The following RIC1 variants were observed in gnomAD, a reference collection of about 807,000 sequenced individuals.
The protein encoded by RIC1 is guanine nucleotide exchange factor subunit RIC1.
In RIC1, 88 loss-of-function variants were observed where a neutral mutation model predicts 169.0. The ratio of observed to expected loss-of-function variants is 0.52; its 90% CI spans 0.44 to 0.62. The LOEUF (loss-of-function observed/expected upper bound fraction) is 0.62, where lower values mean the gene tolerates loss of function less well. RIC1 is among the 20% of genes least tolerant of loss of function. The pLI is 0.00. For synonymous variants in RIC1, 790 were observed against 601.5 expected, an observed-to-expected ratio of 1.31 and a Z score of -4.59; for missense variants, 1,877 against 1,725.5, an observed-to-expected ratio of 1.09 and a Z score of -1.56.
At chr9:5,666,820 A>G (rs1819799038) in intron 2 of RIC1, among the ~76,000 whole-genome samples, 2 of 148,946 alleles carry the variant, frequency 1.3e-5, no homozygotes, top group Non-Finnish European at 3.0e-5. Context: ...CCAAAACTCA[A>G]GTCAGTTTTG....
intron 3 of RIC1, among the ~76,000 whole-genome samples, chr9:5,691,784 C>T (rs1821603741): frequency 1.3e-5 from 2 of 151,930 alleles, no homozygotes; most frequent in Admixed American, 1.3e-4. Context: ...TCAGAAACAA[C>T]AATTTAACTC....
chr9:5,650,308 T>C (rs1366366056), intron 1 of RIC1, among the ~76,000 whole-genome samples: 1 of 151,974 alleles, frequency 6.6e-6, no homozygotes, highest in Non-Finnish European at 1.5e-5. Context: ...GGCTTCCCTG[T>C]AGGAGTGCGT....
chr9:5,630,132 T>G (rs1197522282), intron 1 of RIC1, among the ~76,000 whole-genome samples: 4 of 152,192 alleles, frequency 2.6e-5, no homozygotes, highest in Admixed American at 2.6e-4. Context: ...TTATAACACC[T>G]GGAAATAATA....
chr9:5,741,487 T>A (rs1019735782), intron 8 of RIC1, among the ~76,000 whole-genome samples: 7 of 152,276 alleles, frequency 4.6e-5, no homozygotes, highest in African/African-American at 1.4e-4. Context: ...TAACTTTAAA[T>A]TTTTTAAAAT....
chr9:5,636,607 C>G (rs574868206), intron 1 of RIC1, among the ~76,000 whole-genome samples: 1 of 152,282 alleles, frequency 6.6e-6, no homozygotes, highest in Admixed American at 6.5e-5. Flanking sequence ...GTGTGAGCCA[C>G]CACTCCCAGC....
intron 2 of RIC1, among the ~76,000 whole-genome samples, chr9:5,688,255 C>A (rs975245651): frequency 6.6e-6 from 1 of 152,204 alleles, no homozygotes; most frequent in African/African-American, 2.4e-5. Context: ...TTCTTCTCAA[C>A]TCTGGAAGTC....
At chr9:5,716,734 G>A (rs976132234) in intron 4 of RIC1, among the ~76,000 whole-genome samples, 1 of 152,232 alleles carries the variant, frequency 6.6e-6, no homozygotes, top group Non-Finnish European at 1.5e-5. Flanking sequence ...ATTTTTCTGA[G>A]GGAGGGGAGT....
At chr9:5,708,669 C>T (rs1283603344) in intron 3 of RIC1, among the ~76,000 whole-genome samples, 1 of 152,090 alleles carries the variant, frequency 6.6e-6, no homozygotes, top group Non-Finnish European at 1.5e-5. Flanking sequence ...TCTCTTGCTG[C>T]TTTCAAGATT....
intron 6 of RIC1, 85 bp downstream of exon 6, chr9:5,720,835 T>C: frequency 1.7e-6 from 2 of 1,209,002 alleles, no homozygotes; most frequent in Non-Finnish European, 2.3e-6. Flanking sequence ...ATTTTCATCA[T>C]TCATGTAAGA....
chr9:5,656,716 T>G (rs746168317), intron 2 of RIC1, 26 bp downstream of exon 2: 1 of 1,281,744 alleles, frequency 7.8e-7, no homozygotes, highest in Non-Finnish European at 1.1e-6. Context: ...CGCTAAATAG[T>G]GTTTTCTTAT....
chr9:5,672,507 C>T (rs540669912), intron 2 of RIC1, among the ~76,000 whole-genome samples: 1 of 151,840 alleles, frequency 6.6e-6, no homozygotes, highest in Non-Finnish European at 1.5e-5. Context: ...TCCAGAAGAT[C>T]AAATAGAAAC....
At chr9:5,773,905 A>G in intron 25 of RIC1, 53 bp from the exon 26 acceptor site, 1 of 1,479,006 alleles carries the variant, frequency 6.8e-7, no homozygotes, top group African/African-American at 1.4e-5. Flanking sequence ...GTAATGTTCT[A>G]CCAAACCTTT....
rs1304952153 is a variant in RIC1 at position 5,773,825 on chromosome 9, C to G, written c.3984-133C>G. 7.5e-6 allele frequency: 6 copies of G among 802,372 alleles called. 1 individual carries two copies. The South Asian group carries it at 1.3e-4, about 18-fold the overall frequency. 49.7% of individuals were successfully genotyped at this position (802,372 alleles called of 1,614,324 possible). Reference sequence around the variant, plus strand: ...CCAAGAAGCCTTTCCTCCCTACCTTCTTTGCCTCCTCTCTCCCCTCCTAAT... The same window carrying G: ...CCAAGAAGCCTTTCCTCCCTACCTTGTTTGCCTCCTCTCTCCCCTCCTAAT... On this transcript the variant is annotated intron_variant, in intron 25 of 25. Coordinates refer to ENST00000414202, the MANE Select transcript of RIC1 (RefSeq NM_020829.4).
chr9:5,718,020 A>G (rs532705346), intron 4 of RIC1, among the ~76,000 whole-genome samples: 50 of 151,348 alleles, frequency 3.3e-4, no homozygotes, highest in Middle Eastern at 3.2e-3. Flanking sequence ...TGCGCCTGTA[A>G]TCCCAGCTAC....
chr9:5,637,724 A>G (rs577377103), intron 1 of RIC1, among the ~76,000 whole-genome samples: 17 of 152,176 alleles, frequency 1.1e-4, no homozygotes, highest in Non-Finnish European at 2.4e-4. Flanking sequence ...TTGTCTCTCT[A>G]TGCCTTGCTT....
chr9:5,776,715 G>A (rs965969505), downstream of RIC1, among the ~76,000 whole-genome samples: 2 of 151,522 alleles, frequency 1.3e-5, no homozygotes, highest in African/African-American at 4.9e-5. Context: ...TCAAGAGTTC[G>A]CAACATCCTA....
At chr9:5,641,414 T>A (rs1818240360) in intron 1 of RIC1, among the ~76,000 whole-genome samples, 1 of 152,006 alleles carries the variant, frequency 6.6e-6, no homozygotes, top group Non-Finnish European at 1.5e-5. Flanking sequence ...CTTCTTTAGG[T>A]TAAATCTGCT....
chr9:5,772,070 G>A (rs1827260508), intron 23 of RIC1, among the ~76,000 whole-genome samples: 1 of 152,098 alleles, frequency 6.6e-6, no homozygotes, highest in South Asian at 2.1e-4. Flanking sequence ...ATTTTGTATA[G>A]GTTAAGATTT....
intron 2 of RIC1, among the ~76,000 whole-genome samples, chr9:5,679,447 C>T (rs1390816601): frequency 2.6e-5 from 4 of 152,156 alleles, no homozygotes; most frequent in African/African-American, 7.2e-5. Context: ...GCTATTTTCA[C>T]GATATTGATT....
Sources: gnomAD v4.1 joint callset for allele counts (sites outside exome capture counted in the v4.1 genomes callset) on GRCh38, gnomAD v4.1.1 for gene constraint, MANE v1.5 for transcripts, NCBI Gene and HGNC (gene_info 2026-07-23, HGNC 2026-07-21) for gene names.